MDGA2: variants seen among roughly 807,000 people sequenced by gnomAD.
The protein encoded by MDGA2 is MAM domain-containing glycosylphosphatidylinositol anchor protein 2.
Under a neutral mutation model 117.8 loss-of-function variants are expected in MDGA2, and 40 were observed. The observed-to-expected ratio is 0.34, with a 90% CI of 0.26 to 0.44. The LOEUF (loss-of-function observed/expected upper bound fraction) is 0.44. MDGA2 is among the 20% of genes least tolerant of loss of function. MDGA2 has a pLI of 1.00. For synonymous variants in MDGA2, 452 were observed against 439.0 expected, an observed-to-expected ratio of 1.03 and a Z score of -0.37; for missense variants, 1,123 against 1,250.6, an observed-to-expected ratio of 0.90 and a Z score of 1.54.
At chr14:47,170,886 G>C (rs536023793) in intron 3 of MDGA2, among the ~76,000 whole-genome samples, 1 of 152,050 alleles carries the variant, frequency 6.6e-6, no homozygotes, top group African/African-American at 2.4e-5. Context: ...AGTTAACGAC[G>C]TGAACAAAAG....
At chr14:47,059,204 GC>G in intron 7 of MDGA2, 1 of 857,764 alleles carries the variant, frequency 1.2e-6, no homozygotes, top group Admixed American at 2.6e-5. Context: ...CCTTCTATGT[GC>G]CATGTATTGT....
chr14:47,477,568 T>A (rs1220407472), intron 1 of MDGA2, among the ~76,000 whole-genome samples: 1 of 152,208 alleles, frequency 6.6e-6, no homozygotes. Flanking sequence ...TGTCTTTACC[T>A]GATTTAAGTA....
chr14:46,929,627 A>T (rs867207720), intron 9 of MDGA2, among the ~76,000 whole-genome samples: 1,739 of 26,588 alleles, frequency 0.065, 318 homozygotes, highest in Non-Finnish European at 0.11. Context: ...ATATATATAT[A>T]TATATATATA....
At chr14:46,993,021 T>G (rs1887151242) in intron 8 of MDGA2, among the ~76,000 whole-genome samples, 1 of 152,188 alleles carries the variant, frequency 6.6e-6, no homozygotes, top group Non-Finnish European at 1.5e-5. Flanking sequence ...TATACAATCT[T>G]GAGCTTTACT....
chr14:47,403,676 A>C (rs1892202345), intron 1 of MDGA2, among the ~76,000 whole-genome samples: 1 of 152,126 alleles, frequency 6.6e-6, no homozygotes, highest in Non-Finnish European at 1.5e-5. Flanking sequence ...ACCAGTTCAA[A>C]TGGAGTTTGA....
At chr14:47,212,175 C>T (rs1885908478) in intron 3 of MDGA2, among the ~76,000 whole-genome samples, 2 of 152,154 alleles carry the variant, frequency 1.3e-5, no homozygotes, top group South Asian at 2.1e-4. Context: ...GAATGTAGTA[C>T]CAACATTCCT....
intron 1 of MDGA2, among the ~76,000 whole-genome samples, chr14:47,649,028 T>C (rs1267368412): frequency 6.6e-6 from 1 of 152,176 alleles, no homozygotes; most frequent in Non-Finnish European, 1.5e-5. Flanking sequence ...CTAGAGGAAA[T>C]AATTATTTAG....
intron 4 of MDGA2, among the ~76,000 whole-genome samples, chr14:47,136,208 T>C (rs998149081): frequency 4.0e-5 from 6 of 150,808 alleles, no homozygotes; most frequent in Admixed American, 1.3e-4. Flanking sequence ...TTTTTTTTTT[T>C]TTTTTTTTGA....
chr14:47,084,101 C>T (rs1299326351), intron 6 of MDGA2, among the ~76,000 whole-genome samples: 1 of 152,108 alleles, frequency 6.6e-6, no homozygotes, highest in Non-Finnish European at 1.5e-5. Context: ...ATCCCAACAA[C>T]AGAAGAATGC....
intron 1 of MDGA2, chr14:47,444,178 C>T: frequency 4.5e-6 from 1 of 220,932 alleles, no homozygotes; most frequent in Admixed American, 4.2e-5. Flanking sequence ...ATGATGCCAG[C>T]TGAGGTTGTC....
At chr14:47,017,006 A>G (rs763652650) in intron 8 of MDGA2, among the ~76,000 whole-genome samples, 1 of 151,738 alleles carries the variant, frequency 6.6e-6, no homozygotes, top group Non-Finnish European at 1.5e-5. Context: ...AAATACTTGC[A>G]TTTTATGTGT....
chr14:47,167,378 T>A (rs1383087863), intron 3 of MDGA2, among the ~76,000 whole-genome samples: 1 of 152,172 alleles, frequency 6.6e-6, no homozygotes, highest in Non-Finnish European at 1.5e-5. Flanking sequence ...TGTGTACTCA[T>A]GTCTTCTCCT....
intron 3 of MDGA2, among the ~76,000 whole-genome samples, chr14:47,147,621 C>G (rs986298181): frequency 9.2e-5 from 14 of 152,146 alleles, no homozygotes; most frequent in Admixed American, 2.0e-4. Context: ...TACCTGATAG[C>G]AATCATCTGT....
chr14:47,054,616 C>T (rs1204407822), intron 7 of MDGA2, among the ~76,000 whole-genome samples: 1 of 151,774 alleles, frequency 6.6e-6, no homozygotes, highest in Non-Finnish European at 1.5e-5. Context: ...TACAAGGCTA[C>T]AGTAACCAAA....
chr14:46,956,364 AAT>A (rs1427648442), intron 9 of MDGA2, among the ~76,000 whole-genome samples: 18 of 152,038 alleles, frequency 1.2e-4, no homozygotes, highest in Admixed American at 8.5e-4. Flanking sequence ...AGATTATAAA[AAT>A]AACGTAAATA....
chr14:47,416,778 C>CACCT (rs1892484727), intron 1 of MDGA2, among the ~76,000 whole-genome samples: 1 of 152,186 alleles, frequency 6.6e-6, no homozygotes, highest in Non-Finnish European at 1.5e-5. Context: ...CCTGTGCCCC[C>CACCT]ACCTTGGCCT....
intron 2 of MDGA2, among the ~76,000 whole-genome samples, chr14:47,250,469 C>T (rs2139639469): frequency 6.6e-6 from 1 of 152,228 alleles, no homozygotes; most frequent in South Asian, 2.1e-4. Flanking sequence ...ACGTAATTCC[C>T]AATGTGATCG....
At chr14:46,857,665 T>A in intron 14 of MDGA2, among the ~76,000 whole-genome samples, 1 of 152,106 alleles carries the variant, frequency 6.6e-6, no homozygotes, top group Admixed American at 6.6e-5. Context: ...ATCTTATTCT[T>A]TTTTTAAGAG....
chr14:47,030,906 C>A (rs977574419), intron 8 of MDGA2, among the ~76,000 whole-genome samples: 2 of 152,004 alleles, frequency 1.3e-5, no homozygotes, highest in South Asian at 2.1e-4. Flanking sequence ...AAAGAAAAAG[C>A]CTTTTGTTTT....
Sources: allele counts gnomAD v4.1 joint callset (sites outside exome capture counted in the v4.1 genomes callset), GRCh38; gene constraint gnomAD v4.1.1; transcripts MANE v1.5; gene names NCBI Gene and HGNC (gene_info 2026-07-23, HGNC 2026-07-21).